LHFPL6: variants seen among roughly 807,000 people sequenced by gnomAD.
LHFPL6 encodes the protein LHFPL tetraspan subfamily member 6, also known as LHFPL tetraspan subfamily member 6 protein.
In LHFPL6, 9 loss-of-function variants were observed where a neutral mutation model predicts 20.6. The ratio of observed to expected loss-of-function variants is 0.44; its 90% CI spans 0.26 to 0.76. The LOEUF (loss-of-function observed/expected upper bound fraction) is 0.76. Ranked by LOEUF, LHFPL6 falls within the 30% of genes least tolerant of loss-of-function variation. LHFPL6 has a pLI of 0.20. For synonymous variants in LHFPL6, 105 were observed against 98.7 expected, an observed-to-expected ratio of 1.06 and a Z score of -0.38; for missense variants, 218 against 253.5, an observed-to-expected ratio of 0.86 and a Z score of 0.95.
At chr13:39,463,072 C>T (rs905885903) in intron 2 of LHFPL6, among the ~76,000 whole-genome samples, 3 of 152,310 alleles carry the variant, frequency 2.0e-5, no homozygotes, top group African/African-American at 7.2e-5. Flanking sequence ...ACCCATAAGG[C>T]GATCTCTGGC....
At chr13:39,369,972 A>G (rs1423526878) in intron 3 of LHFPL6, among the ~76,000 whole-genome samples, 1 of 152,150 alleles carries the variant, frequency 6.6e-6, no homozygotes, top group Non-Finnish European at 1.5e-5. Context: ...TATAAAATAG[A>G]AATGTTCTGG....
At chr13:39,600,486 A>G (rs772803635) in intron 2 of LHFPL6, among the ~76,000 whole-genome samples, 13 of 152,260 alleles carry the variant, frequency 8.5e-5, no homozygotes, top group Non-Finnish European at 1.9e-4. Flanking sequence ...CCATGAAGAC[A>G]AAGATAATCT....
intron 3 of LHFPL6, among the ~76,000 whole-genome samples, chr13:39,376,696 T>C (rs1366046197): frequency 6.6e-6 from 1 of 152,198 alleles, no homozygotes; most frequent in Non-Finnish European, 1.5e-5. Context: ...ATTTGGAATA[T>C]AGTAATACTG....
chr13:39,539,459 T>C (rs1166997115), intron 2 of LHFPL6, among the ~76,000 whole-genome samples: 3 of 152,220 alleles, frequency 2.0e-5, no homozygotes, highest in Non-Finnish European at 4.4e-5. Flanking sequence ...CTTTTGACGA[T>C]AAGTGGACGA....
intron 2 of LHFPL6, among the ~76,000 whole-genome samples, chr13:39,569,014 T>C (rs1015537060): frequency 1.3e-5 from 2 of 152,192 alleles, no homozygotes; most frequent in Non-Finnish European, 2.9e-5. Context: ...TGCTTGGAAA[T>C]TGAAAATCCT....
At chr13:39,520,009 T>C (rs1593346824) in intron 2 of LHFPL6, among the ~76,000 whole-genome samples, 1 of 152,146 alleles carries the variant, frequency 6.6e-6, no homozygotes, top group African/African-American at 2.4e-5. Flanking sequence ...GACGTGTACA[T>C]TAGTGATGTC....
intron 2 of LHFPL6, among the ~76,000 whole-genome samples, chr13:39,391,198 G>A (rs1301237064): frequency 4.6e-5 from 7 of 152,150 alleles, no homozygotes; most frequent in African/African-American, 7.2e-5. Flanking sequence ...ATGAAACTGC[G>A]TAGATTTTTG....
At chr13:39,375,191 T>C (rs933308423) in intron 3 of LHFPL6, among the ~76,000 whole-genome samples, 2 of 152,196 alleles carry the variant, frequency 1.3e-5, no homozygotes, top group African/African-American at 4.8e-5. Context: ...AGGCAAGGTG[T>C]GGCAGAGGCA....
chr13:39,366,977 G>A (rs1161106611), intron 3 of LHFPL6, among the ~76,000 whole-genome samples: 2 of 152,148 alleles, frequency 1.3e-5, no homozygotes, highest in Admixed American at 6.6e-5. Flanking sequence ...AAACATCTTC[G>A]AAATGATAGT....
chr13:39,491,816 TTTTAA>T (rs1294679493), intron 2 of LHFPL6, among the ~76,000 whole-genome samples: 1 of 152,222 alleles, frequency 6.6e-6, no homozygotes, highest in East Asian at 1.9e-4. Flanking sequence ...CTTTGATTAA[TTTTAA>T]TTTAAATAGC....
At chr13:39,495,450 T>C (rs1271868578) in intron 2 of LHFPL6, among the ~76,000 whole-genome samples, 1 of 152,190 alleles carries the variant, frequency 6.6e-6, no homozygotes, top group African/African-American at 2.4e-5. Flanking sequence ...AGTTCTCAAA[T>C]CATTCATTGA....
intron 2 of LHFPL6, among the ~76,000 whole-genome samples, chr13:39,485,663 T>C (rs994317649): frequency 2.0e-5 from 3 of 152,090 alleles, no homozygotes; most frequent in Non-Finnish European, 1.5e-5. Flanking sequence ...CTAGCCAATA[T>C]GAAGGCAGCT....
At chr13:39,374,382 A>G (rs1870235075) in intron 3 of LHFPL6, among the ~76,000 whole-genome samples, 1 of 152,076 alleles carries the variant, frequency 6.6e-6, no homozygotes, top group African/African-American at 2.4e-5. Context: ...GACTACTATG[A>G]GGGGAGGGAC....
At chr13:39,397,706 T>C (rs1870878997) in intron 2 of LHFPL6, among the ~76,000 whole-genome samples, 1 of 152,194 alleles carries the variant, frequency 6.6e-6, no homozygotes, top group Middle Eastern at 3.2e-3. Context: ...TATTTCCATA[T>C]AAACTCTATT....
At chr13:39,589,152 G>T (rs540397162) in intron 2 of LHFPL6, among the ~76,000 whole-genome samples, 17 of 151,988 alleles carry the variant, frequency 1.1e-4, no homozygotes, top group Non-Finnish European at 2.5e-4. Flanking sequence ...TCTTGCCCAG[G>T]GTGGAGTGCA....
chr13:39,575,274 A>G (rs889935248), intron 2 of LHFPL6, among the ~76,000 whole-genome samples: 11 of 152,150 alleles, frequency 7.2e-5, no homozygotes, highest in Non-Finnish European at 1.6e-4. Context: ...TTGGTTTGTG[A>G]TTCTGCTAAT....
chr13:39,566,458 C>G (rs575958229), intron 2 of LHFPL6, among the ~76,000 whole-genome samples: 1 of 152,156 alleles, frequency 6.6e-6, no homozygotes, highest in Admixed American at 6.5e-5. Context: ...ATGATGAGTT[C>G]AGCTGGGCGC....
chr13:39,359,322 A>G lies in LHFPL6; in HGVS notation c.485-15268T>C, dbSNP rs140782514. 1.2e-3 allele frequency among the ~76,000 whole-genome samples: 180 copies of G among 152,292 alleles called. 3 individuals are homozygous for G. Among genetic ancestry groups the G allele is most frequent in the Non-Finnish European group, 1.3e-3 (90 of 68,028 alleles). The stretch of plus-strand genomic sequence containing the variant: ...AACTACCATTCAACTCAACAATCTC[A>G]CTGCTAGGTATATGCCCAAAATAAA... On this transcript the variant is annotated intron_variant, in intron 3 of 3. Transcript: ENST00000379589.
At chr13:39,547,512 T>A in intron 2 of LHFPL6, among the ~76,000 whole-genome samples, 1 of 152,078 alleles carries the variant, frequency 6.6e-6, no homozygotes, top group Admixed American at 6.5e-5. Flanking sequence ...AAGGAACTGG[T>A]CTTAAATTCA....
Sources: allele counts gnomAD v4.1 joint callset (sites outside exome capture counted in the v4.1 genomes callset), GRCh38; gene constraint gnomAD v4.1.1; transcripts MANE v1.5; gene names NCBI Gene and HGNC (gene_info 2026-07-23, HGNC 2026-07-21).